PER3: variants seen among roughly 807,000 people sequenced by gnomAD.
PER3 encodes the protein period circadian protein homolog 3.
In PER3, 107 loss-of-function variants were observed where a neutral mutation model predicts 127.2. That is an observed-to-expected ratio of 0.84 (90% confidence interval 0.72 to 0.99). The LOEUF (loss-of-function observed/expected upper bound fraction) is 0.99, where lower values mean the gene tolerates loss of function less well. Ranked by LOEUF, PER3 falls within the 50% of genes least tolerant of loss-of-function variation. The pLI, the probability that PER3 is intolerant of heterozygous loss-of-function variation, is 0.00. For synonymous variants in PER3, 618 were observed against 585.8 expected (o/e 1.05, Z -0.79); for missense variants, 1,560 against 1,525.8 (o/e 1.02, Z -0.37).
intron 19 of PER3, among the ~76,000 whole-genome samples, chr1:7,834,712 C>T (rs2151251482): frequency 6.6e-6 from 1 of 152,254 alleles, no homozygotes; most frequent in Non-Finnish European, 1.5e-5. Context: ...CTCATCTTGG[C>T]CTCCCAAAGT....
At chr1:7,797,741 GT>G (rs1558399219) in intron 6 of PER3, among the ~76,000 whole-genome samples, 2 of 152,270 alleles carry the variant, frequency 1.3e-5, no homozygotes, top group Non-Finnish European at 2.9e-5. Context: ...ACACCTTTAC[GT>G]GCTGGCGAGA....
Position 7,819,290 on chromosome 1 carries a change from T to A in PER3, c.1528T>A (p.Cys510Ser). ...GGESANGGGECKTFTSFHQTL... is the reference protein window; with the variant it reads ...GGESANGGGESKTFTSFHQTL... Reference sequence around the variant, plus strand: ...ATCCCTTTATTCTGTTTCAGGTGAATGTAAGACCTTTACTTCCTTCCACCA... The same window carrying A: ...ATCCCTTTATTCTGTTTCAGGTGAAAGTAAGACCTTTACTTCCTTCCACCA... Residue 510 changes from cysteine to serine, a missense_variant, in exon 14 of 22, where the codon TGT becomes AGT. By Grantham distance (112) the Cys-to-Ser change is moderately radical. Coordinates refer to ENST00000377532, the MANE Select transcript of PER3 (RefSeq NM_001377275.1). The A allele has an allele frequency of 6.2e-7, 1 of 1,613,502 alleles. No individual in the cohort carries two copies. Among genetic ancestry groups the A allele is most frequent in the Non-Finnish European group, 8.5e-7 (1 of 1,179,452 alleles).
rs376439098 is a variant in PER3, at chr1:7,842,712, C to T, written c.3590C>T (p.Ala1197Val). 1.3e-5 allele frequency: 21 copies of T among 1,613,024 alleles called. No homozygotes were observed. Among genetic ancestry groups the T allele is most frequent in the South Asian group, 3.3e-5 (3 of 91,048 alleles). Residue 1197 changes from alanine to valine, a missense_variant, in exon 22 of 22, where the codon GCG (alanine) becomes GTG (valine). By Grantham distance (64) the Ala-to-Val change is moderately conservative. This residue lies in a region of PER3 where 199 missense variants were observed against 198.6 expected (regional missense o/e 1.00). Transcript: ENST00000377532. ...GAAAATGAAGATTCAGCTGATGGTGCGGCCACATCCTGTGGTCAGGTTCTG... is the reference window on the plus strand; with the variant it reads ...GAAAATGAAGATTCAGCTGATGGTGTGGCCACATCCTGTGGTCAGGTTCTG... ...TCENEDSADG[A>V]ATSCGQVLVE...
At chr1:7,794,247 GAGAGGC>G (rs1429915838) in intron 6 of PER3, among the ~76,000 whole-genome samples, 2 of 152,182 alleles carry the variant, frequency 1.3e-5, no homozygotes, top group African/African-American at 4.8e-5. Flanking sequence ...CTAGCACTTT[GAGAGGC>G]AGAGGCGGAG....
intron 16 of PER3, among the ~76,000 whole-genome samples, chr1:7,821,515 C>T (rs1241879474): frequency 3.3e-5 from 5 of 152,168 alleles, no homozygotes; most frequent in Non-Finnish European, 7.3e-5. Flanking sequence ...AGCATATGCA[C>T]ATTTTTTAGT....
rs11580686 is a variant in PER3 at position 7,785,986 on chromosome 1, G to A, written c.274+400G>A. On this transcript the variant is annotated intron_variant, in intron 3 of 21. Transcript: ENST00000377532. Reference sequence around the variant, plus strand: ...AAATGCAGTAATGAGGCTGGGCGCGGTGCCTCACGCCTGTAATCCCAGCAC... The same window carrying A: ...AAATGCAGTAATGAGGCTGGGCGCGATGCCTCACGCCTGTAATCCCAGCAC... 2.6e-3 allele frequency among the ~76,000 whole-genome samples: 389 copies of A among 152,338 alleles called. 1 individual carries two copies. The highest frequency in any genetic ancestry group is 4.1e-3 in the Non-Finnish European group (276 of 68,022).
intron 5 of PER3, among the ~76,000 whole-genome samples, chr1:7,793,534 A>G (rs192819062): frequency 5.8e-4 from 89 of 152,330 alleles, no homozygotes; most frequent in African/African-American, 2.1e-3. Flanking sequence ...AAAGAAAATT[A>G]TATATCGTAT....
chr1:7,790,212 A>C (rs1393461929), intron 5 of PER3, among the ~76,000 whole-genome samples: 1 of 152,172 alleles, frequency 6.6e-6, no homozygotes, highest in Non-Finnish European at 1.5e-5. Context: ...GAACTATCTG[A>C]GACTGGGTAA....
chr1:7,826,744 C>T lies in PER3; in HGVS notation c.2188+34C>T. 1 of 1,263,774 alleles carries T rather than the reference C, an allele frequency of 7.9e-7. No individual in the cohort carries two copies. Among genetic ancestry groups the T allele is most frequent in the South Asian group, 1.2e-5 (1 of 81,926 alleles). 78.3% of individuals were successfully genotyped at this position (1,263,774 alleles called of 1,614,324 possible). On this transcript the variant is annotated intron_variant, in intron 17 of 21. Coordinates refer to ENST00000377532, the MANE Select transcript of PER3 (RefSeq NM_001377275.1). The surrounding 1 kb of genome is among the most constrained non-coding windows in gnomAD (Gnocchi z 4.2). The stretch of plus-strand genomic sequence containing the variant: ...TTTTTTAAAAATAAATGCCATTAAT[C>T]TATGTAAATGTTACAAACTGTATCT...
At chr1:7,788,433 T>C in intron 5 of PER3, 187 bp downstream of exon 5, 1 of 580,872 alleles carries the variant, frequency 1.7e-6, no homozygotes, top group Non-Finnish European at 3.1e-6. Flanking sequence ...CTCAATACGT[T>C]TGTTTCCATT....
chr1:7,832,732 A>G (rs2097338537), intron 19 of PER3, among the ~76,000 whole-genome samples: 1 of 144,716 alleles, frequency 6.9e-6, no homozygotes, highest in Admixed American at 6.8e-5. Flanking sequence ...TTTTTTTCTT[A>G]TTTCTTAAGG....
rs184702051 is a variant in PER3 at position 7,834,566 on chromosome 1, C to G, written c.3215-1196C>G. Among the ~76,000 whole-genome samples, 7 of 152,130 alleles carry G rather than the reference C, an allele frequency of 4.6e-5. No individual in the cohort carries two copies. The East Asian group carries it at 1.4e-3, about 29-fold the overall frequency. ...AAACTCCTGGGCTCAAGCAATCCTC[C>G]AACCTTAGCCTCCTGAGTAGCTAGG... is the stretch of plus-strand genomic sequence containing the variant. On this transcript the variant is annotated intron_variant, in intron 19 of 21. Transcript: ENST00000377532.
rs761697495 is a variant in PER3, at chr1:7,827,780, C to G, written c.2851C>G (p.Gln951Glu). Reference sequence around the variant, plus strand: ...GCCCAGACCCTCTGAATCTCCAGATCAGATGAGAAGGAACACGTGCCCACA... The same window carrying G: ...GCCCAGACCCTCTGAATCTCCAGATGAGATGAGAAGGAACACGTGCCCACA... ...EMPRPSESPD[Q>E]MRRNTCPQTE... The change falls in exon 18 of 22, where the codon CAG (glutamine) becomes GAG (glutamate). Residue 951 changes from glutamine (Q) to glutamate (E), a missense_variant. Gln to Glu is a conservative substitution (Grantham distance 29). Transcript: ENST00000377532. 6.8e-6 allele frequency: 11 copies of G among 1,613,670 alleles called. No individual in the cohort carries two copies. Among genetic ancestry groups the G allele is most frequent in the African/African-American group, 2.7e-5 (2 of 74,928 alleles).
At chr1:7,802,121 G>A (rs2097173205) in intron 8 of PER3, among the ~76,000 whole-genome samples, 1 of 152,066 alleles carries the variant, frequency 6.6e-6, no homozygotes, top group Non-Finnish European at 1.5e-5. Context: ...TTTTTACACA[G>A]GGAAAATATT....
At position 7,842,692 on chromosome 1, in the gene PER3, TGAA is replaced by T; in HGVS notation, c.3573_3575del (p.Glu1191del). 6.2e-7 allele frequency: 1 copy of T among 1,613,412 alleles called. No individual in the cohort carries two copies. Among genetic ancestry groups the T allele is most frequent in the Non-Finnish European group, 8.5e-7 (1 of 1,179,546 alleles). ...TGGAGGCCTGTGTCACTTGTGAAAA[TGAA>T]GATTCAGCTGATGGTGCGGCCACAT... On this transcript the variant is annotated inframe_deletion, in exon 22 of 22. Coordinates refer to ENST00000377532, the MANE Select transcript of PER3 (RefSeq NM_001377275.1).
Position 7,835,801 on chromosome 1 carries a change from ATTC to A in PER3, c.3259_3261del (p.Ser1087del), listed in dbSNP as rs2097355410. The stretch of plus-strand genomic sequence containing the variant: ...AGTATATACCTTACTAGTAGTGTTT[ATTC>A]TTCTAAAATCTCCCAAAATGGGCAG... On this transcript the variant is annotated inframe_deletion, in exon 20 of 22. Transcript: ENST00000377532. 6.2e-7 allele frequency: 1 copy of A among 1,612,730 alleles called. No individual in the cohort carries two copies. Among genetic ancestry groups the A allele is most frequent in the Non-Finnish European group, 8.5e-7 (1 of 1,178,884 alleles).
chr1:7,806,367 TTC>T (rs1218043349), intron 10 of PER3, among the ~76,000 whole-genome samples: 2 of 152,192 alleles, frequency 1.3e-5, no homozygotes, highest in Admixed American at 6.5e-5. Context: ...CAGCCAAGTT[TTC>T]TCTCTTACTC....
chr1:7,787,914 T>A, intron 4 of PER3, 131 bp from the exon 5 acceptor site: 1 of 662,084 alleles, frequency 1.5e-6, no homozygotes, highest in South Asian at 1.8e-5. Flanking sequence ...AGGAGTTTTG[T>A]TGCATTTGTA....
At chr1:7,808,053 C>T (rs150338064) in intron 10 of PER3, among the ~76,000 whole-genome samples, 5 of 151,720 alleles carry the variant, frequency 3.3e-5, no homozygotes, top group African/African-American at 9.7e-5. Context: ...GCCAACATGG[C>T]GAAACCCCGT....
Sources: gnomAD v4.1 joint callset for allele counts (sites outside exome capture counted in the v4.1 genomes callset) on GRCh38, gnomAD v4.1.1 for gene constraint, gnomAD v4.1.1 regional missense constraint, Gnocchi (gnomAD v3.1) non-coding constraint, MANE v1.5 for transcripts, NCBI Gene and HGNC (gene_info 2026-07-23, HGNC 2026-07-21) for gene names.